MEGF6: variants seen among roughly 807,000 people sequenced by gnomAD.
MEGF6 encodes the protein multiple epidermal growth factor-like domains protein 6.
A neutral mutation model predicts 207.1 loss-of-function variants in MEGF6; 184 were observed. The observed-to-expected ratio is 0.89, with a 90% CI of 0.79 to 1.00. The LOEUF (loss-of-function observed/expected upper bound fraction) is 1.00, where lower values mean the gene tolerates loss of function less well. MEGF6 is among the 50% of genes least tolerant of loss of function. The pLI is 0.00. For synonymous variants in MEGF6, 1,038 were observed against 910.0 expected, an observed-to-expected ratio of 1.14 and a Z score of -2.53; for missense variants, 2,282 against 2,202.9, an observed-to-expected ratio of 1.04 and a Z score of -0.72.
chr1:3,532,926 A>G (rs541238515), intron 4 of MEGF6, among the ~76,000 whole-genome samples: 54 of 152,314 alleles, frequency 3.5e-4, no homozygotes, highest in Non-Finnish European at 6.2e-4. Context: ...AGGTGAGGAA[A>G]CTGAGGCCCA....
Position 3,508,673 on chromosome 1 carries a change from G to A in MEGF6, c.1545C>T (p.Ser515=), listed in dbSNP as rs753212048. The change falls in exon 13 of 37, where the codon TCC becomes TCT. Residue 515 remains serine, a synonymous_variant. Coordinates refer to ENST00000356575, the MANE Select transcript of MEGF6 (RefSeq NM_001409.4). ...AGGTCAAGCTGCAGTCATGGCCAAA[G>A]GAGTCATCCAGGCAGACTGGGGGCA... ...LTEKFVCLDD[S]FGHDCSLTCD... The A allele has an allele frequency of 2.5e-6, 4 of 1,613,346 alleles. No individual in the cohort carries two copies. In the East Asian group the frequency reaches 6.7e-5, roughly 27 times the overall value.
At chr1:3,604,078 G>A (rs1292530755) in intron 1 of MEGF6, among the ~76,000 whole-genome samples, 1 of 152,208 alleles carries the variant, frequency 6.6e-6, no homozygotes, top group East Asian at 1.9e-4. Flanking sequence ...CCCAGAGGAG[G>A]GACCCTGGCC....
chr1:3,502,776 G>A (rs999396213), intron 17 of MEGF6, among the ~76,000 whole-genome samples: 1 of 152,160 alleles, frequency 6.6e-6, no homozygotes, highest in Non-Finnish European at 1.5e-5. Context: ...CCCTGGCAGA[G>A]CTTTCCTCTG....
chr1:3,503,514 C>G (rs1400128438), intron 17 of MEGF6, among the ~76,000 whole-genome samples: 1 of 152,038 alleles, frequency 6.6e-6, no homozygotes, highest in Non-Finnish European at 1.5e-5. Flanking sequence ...TTCCTCCTCT[C>G]AGGAACTGGG....
At chr1:3,607,458 G>T (rs1166564304) in intron 1 of MEGF6, among the ~76,000 whole-genome samples, 1 of 152,210 alleles carries the variant, frequency 6.6e-6, no homozygotes, top group Non-Finnish European at 1.5e-5. Context: ...AATCAAGCCA[G>T]CCTTCAAGGA....
At chr1:3,523,999 A>T in intron 5 of MEGF6, 125 bp downstream of exon 5, 1 of 1,114,546 alleles carries the variant, frequency 9.0e-7, no homozygotes, top group Non-Finnish European at 1.3e-6. Flanking sequence ...GGAAGGAGCC[A>T]CTGCCAGAGC....
chr1:3,567,495 C>T (rs1364129034), intron 4 of MEGF6, among the ~76,000 whole-genome samples: 5 of 152,126 alleles, frequency 3.3e-5, no homozygotes, highest in African/African-American at 1.2e-4. Flanking sequence ...CTGCGTGTGG[C>T]GGGGATCCCT....
intron 4 of MEGF6, among the ~76,000 whole-genome samples, chr1:3,554,066 G>C (rs377710696): frequency 2.0e-3 from 306 of 152,272 alleles, no homozygotes; most frequent in Non-Finnish European, 3.5e-3. Flanking sequence ...CATGCCTCCT[G>C]GTGTCCTGTG....
chr1:3,501,119 G>T, intron 19 of MEGF6, 25 bp from the exon 20 acceptor site: 1 of 1,612,670 alleles, frequency 6.2e-7, no homozygotes, highest in South Asian at 1.1e-5. Context: ...GAGAGGGTGA[G>T]TGGGGCCTGG....
At chr1:3,511,121 A>G (rs568483919) in intron 9 of MEGF6, among the ~76,000 whole-genome samples, 47 of 152,312 alleles carry the variant, frequency 3.1e-4, no homozygotes, top group African/African-American at 1.1e-3. Flanking sequence ...CTGGTCCCGC[A>G]TATGTGCACA....
intron 8 of MEGF6, 106 bp downstream of exon 8, chr1:3,511,900 T>G: frequency 6.5e-7 from 1 of 1,546,692 alleles, no homozygotes; most frequent in Non-Finnish European, 8.8e-7. Flanking sequence ...GGGCTGCCCC[T>G]GATTGACAAG....
chr1:3,492,575 G>A, intron 35 of MEGF6, 64 bp downstream of exon 35: 1 of 1,587,400 alleles, frequency 6.3e-7, no homozygotes, highest in Non-Finnish European at 8.6e-7. Flanking sequence ...TCCTCTGCCA[G>A]GGTGGAGCTG....
chr1:3,505,591 C>CTGAA, intron 15 of MEGF6, 35 bp from the exon 16 acceptor site: 1 of 1,517,976 alleles, frequency 6.6e-7, no homozygotes, highest in East Asian at 2.4e-5. Flanking sequence ...GGGCTCCCGT[C>CTGAA]TGAAGCCCCA....
At chr1:3,605,297 C>T (rs1325390920) in intron 1 of MEGF6, among the ~76,000 whole-genome samples, 1 of 152,028 alleles carries the variant, frequency 6.6e-6, no homozygotes, top group Non-Finnish European at 1.5e-5. Flanking sequence ...CAAACGCAAT[C>T]ACACACATTC....
chr1:3,513,185 T>C (rs546435932), intron 7 of MEGF6, among the ~76,000 whole-genome samples: 1 of 151,988 alleles, frequency 6.6e-6, no homozygotes, highest in Admixed American at 6.6e-5. Context: ...TTGAGTTCTA[T>C]TTTTTTTATT....
At chr1:3,585,702 C>T (rs1643883842) in intron 3 of MEGF6, among the ~76,000 whole-genome samples, 1 of 130,066 alleles carries the variant, frequency 7.7e-6, no homozygotes, top group Non-Finnish European at 1.6e-5. Flanking sequence ...TGACATATGT[C>T]CTGTGTGTGG....
At chr1:3,621,124 A>G in the MEGF6 span, among the ~76,000 whole-genome samples, 1 of 152,242 alleles carries the variant, frequency 6.6e-6, no homozygotes. Context: ...AGGCCTCCAG[A>G]TAACTGTGGG....
chr1:3,616,150 G>A (rs558910692), upstream of MEGF6, among the ~76,000 whole-genome samples: 11 of 152,218 alleles, frequency 7.2e-5, no homozygotes, highest in East Asian at 1.9e-4. Flanking sequence ...TGTCCGGTCC[G>A]CGGGCTGGCG....
Position 3,500,681 on chromosome 1 carries a change from C to T in MEGF6, c.2659G>A (p.Gly887Ser), listed in dbSNP as rs986454923. 3.3e-5 allele frequency: 52 copies of T among 1,575,420 alleles called. No individual in the cohort carries two copies. Among genetic ancestry groups the T allele is most frequent in the Non-Finnish European group, 4.3e-5 (50 of 1,160,928 alleles). The change falls in exon 21 of 37, where the codon GGC (glycine) becomes AGC (serine). Residue 887 changes from glycine (G) to serine (S), a missense_variant. Gly to Ser is a moderately conservative substitution (Grantham distance 56). Transcript: ENST00000356575. Reference protein sequence around the residue: ...AGHGSCDAISGLCLCEAGYVG... With the variant: ...AGHGSCDAISSLCLCEAGYVG... ...TAGCCAGCCTCACACAGACACAGGC[C>T]GCTGATGGCATCACAGCTCCCGTGG... is the stretch of plus-strand genomic sequence containing the variant.
Sources: gnomAD v4.1 joint callset for allele counts (sites outside exome capture counted in the v4.1 genomes callset) on GRCh38, gnomAD v4.1.1 for gene constraint, MANE v1.5 for transcripts, NCBI Gene and HGNC (gene_info 2026-07-23, HGNC 2026-07-21) for gene names.